Variants in PWWP2A observed in about 807,000 individuals in gnomAD.
PWWP2A encodes the protein PWWP domain containing 2A.
Under a neutral mutation model 48.5 loss-of-function variants are expected in PWWP2A, and 18 were observed. That is an observed-to-expected ratio of 0.37 (90% CI 0.26 to 0.55). PWWP2A has a LOEUF of 0.55. Among genes scored for constraint, PWWP2A ranks in the 20% least tolerant of loss-of-function variants. The probability of loss-of-function intolerance (pLI) is 0.81; values close to 1 mark genes in which losing one functional copy is unlikely to be tolerated. For synonymous variants in PWWP2A, 396 were observed against 387.7 expected (o/e 1.02, Z -0.25); for missense variants, 867 against 976.4 (o/e 0.89, Z 1.49).
At position 160,119,449 on chromosome 5, in the gene PWWP2A, T is replaced by A; in HGVS notation, c.-61A>T. 1 of 1,350,060 alleles carries A rather than the reference T, an allele frequency of 7.4e-7. No homozygotes were observed. The highest frequency in any genetic ancestry group is 9.5e-7 in the Non-Finnish European group (1 of 1,057,238). The allele number at this position is 1,350,060 out of a possible 1,614,324, so 83.6% of individuals were successfully genotyped here. A position where few individuals can be genotyped will look rare whatever the true frequency, so the allele number is the denominator to read the frequency against. ...GCAGCGGCGGCGGCGACAGCGCTGC[T>A]TGGTTCCCTGGGCCTTCCCCTCCCT... On this transcript the variant is annotated 5_prime_UTR_variant, in exon 1 of 2. The change creates a new upstream start codon in the 5' untranslated region. Coordinates refer to ENST00000307063, the MANE Select transcript of PWWP2A (RefSeq NM_001130864.2).
downstream of PWWP2A, among the ~76,000 whole-genome samples, chr5:160,087,244 T>G (rs1424481913): frequency 6.6e-6 from 1 of 152,070 alleles, no homozygotes; most frequent in African/African-American, 2.4e-5. Context: ...TAGCCAGGCA[T>G]GGTGACATAC....
At chr5:160,097,336 CAAAAAAAA>C (rs70987999) in intron 1 of PWWP2A, among the ~76,000 whole-genome samples, 5 of 34,392 alleles carry the variant, frequency 1.5e-4, no homozygotes, top group East Asian at 2.1e-3. Flanking sequence ...GCCTTTGTCT[CAAAAAAAA>C]AAAAAAAAAA....
At chr5:160,080,811 G>C in intron 2 of PWWP2A, 1 of 1,471,258 alleles carries the variant, frequency 6.8e-7, no homozygotes, top group Non-Finnish European at 9.1e-7. Context: ...TAAAGCATTC[G>C]AGTTTTTTAA....
downstream of PWWP2A, among the ~76,000 whole-genome samples, chr5:160,060,892 T>C (rs1463704993): frequency 6.6e-6 from 1 of 152,230 alleles, no homozygotes; most frequent in Non-Finnish European, 1.5e-5. Context: ...TACCCAAGCA[T>C]TGTAGAAATT....
intron 1 of PWWP2A, among the ~76,000 whole-genome samples, chr5:160,105,416 T>TAC (rs1324390594): frequency 6.6e-6 from 1 of 151,608 alleles, no homozygotes; most frequent in East Asian, 1.9e-4. Context: ...CACACGCCTG[T>TAC]AGTCCCAGCT....
rs1276767251 is a variant in PWWP2A at position 160,092,743 on chromosome 5, T to C, written c.1907A>G (p.Lys636Arg). ...TTTAGAGACGTTTTTGGAAAAGACT[T>C]TCATTTTCAAGGAATTACTGAGCTT... ...EKKLSNSLKMKVFSKNVSKCV... is the reference protein window; with the variant it reads ...EKKLSNSLKMRVFSKNVSKCV... Residue 636 changes from lysine (K) to arginine (R), a missense_variant, in exon 2 of 2, where the codon AAA becomes AGA. Physicochemically the swap from Lys to Arg is conservative, Grantham distance 26 (BLOSUM62 2). Around this residue, in one of 4 missense-constraint regions of PWWP2A, gnomAD observed 382 missense variants for 407.2 expected, o/e 0.94. Transcript: ENST00000307063. 88 of 1,551,526 alleles carry C rather than the reference T, an allele frequency of 5.7e-5. 1 individual carries two copies. The highest frequency in any genetic ancestry group is 7.3e-5 in the Non-Finnish European group (84 of 1,146,990).
downstream of PWWP2A, among the ~76,000 whole-genome samples, chr5:160,086,475 C>T (rs1034137698): frequency 1.3e-4 from 20 of 152,234 alleles, no homozygotes; most frequent in Admixed American, 9.8e-4. Flanking sequence ...CATGATTATA[C>T]CCCTACAGTC....
At position 160,092,030 on chromosome 5, in the gene PWWP2A, A is replaced by ATATATATATATATATATATATATATG. The variant is rs1755132143; in HGVS notation, c.*351_*352insCATATATATATATATATATATATATA. 2.0e-6 allele frequency: 1 copy of ATATATATATATATATATATATATATG among 506,438 alleles called. No individual in the cohort carries two copies. The allele number at this position is 506,438 out of a possible 1,614,324, so 31.4% of individuals were successfully genotyped here. On this transcript the variant is annotated 3_prime_UTR_variant, in exon 2 of 2. Coordinates refer to ENST00000307063, the MANE Select transcript of PWWP2A (RefSeq NM_001130864.2). ...CATACACGGATATATATATATACAC[A>ATATATATATATATATATATATATATG]CACACACACGTATATATATGTATAT...
rs774513649 is a variant in PWWP2A, at chr5:160,093,035, C to A, written c.1615G>T (p.Asp539Tyr). 4.3e-5 allele frequency: 69 copies of A among 1,604,356 alleles called. No individual in the cohort carries two copies. The highest frequency in any genetic ancestry group is 5.5e-5 in the Non-Finnish European group (65 of 1,175,518). ...GPEEASSEVQDTNEVHVPGDQ... is the reference protein window; with the variant it reads ...GPEEASSEVQYTNEVHVPGDQ... ...CCAGGCACATGCACTTCATTTGTGT[C>A]CTGAACCTCACTGCTGGCCTCTTCA... The change falls in exon 2 of 2, where the codon GAC becomes TAC. Residue 539 changes from aspartate (D) to tyrosine (Y), a missense_variant. Asp to Tyr is a radical substitution (Grantham distance 160, BLOSUM62 -3). Transcript: ENST00000307063. The surrounding 1 kb of genome is among the most constrained non-coding windows in gnomAD (Gnocchi z 5.8).
intron 1 of PWWP2A, chr5:160,105,553 CAAAA>C (rs573797023): frequency 4.5e-5 from 10 of 222,096 alleles, no homozygotes; most frequent in East Asian, 2.6e-4. Context: ...GACTCCATCT[CAAAA>C]AAAAAAAAAA....
At chr5:160,056,693 A>G in the PWWP2A span, among the ~76,000 whole-genome samples, 1 of 152,238 alleles carries the variant, frequency 6.6e-6, no homozygotes, top group Non-Finnish European at 1.5e-5. Flanking sequence ...ACTTCATGCC[A>G]GTCTGGGCAA....
the PWWP2A span, among the ~76,000 whole-genome samples, chr5:160,045,819 T>C: frequency 1.3e-5 from 2 of 152,110 alleles, no homozygotes; most frequent in African/African-American, 4.8e-5. Context: ...CTTGGCTCAC[T>C]GCAACCTCTG....
chr5:160,049,377 C>G, the PWWP2A span: 14 of 758,464 alleles, frequency 1.8e-5, no homozygotes, highest in East Asian at 9.4e-5. Context: ...AAAAAGTTTT[C>G]CAGCATCAGG....
At chr5:160,075,778 G>A (rs190201313), downstream of PWWP2A, 2 of 79,212 alleles carry the variant, frequency 2.5e-5, no homozygotes, top group East Asian at 4.2e-4. Context: ...GCTCCCTAAA[G>A]TACAACTAGT....
downstream of PWWP2A, among the ~76,000 whole-genome samples, chr5:160,088,085 A>C (rs181463398): frequency 6.6e-6 from 1 of 152,334 alleles, no homozygotes; most frequent in Admixed American, 6.5e-5. Flanking sequence ...AATCTACACA[A>C]ACTGTAAATT....
At chr5:160,066,017 CAT>C (rs1359324407) in intron 4 of PWWP2A, among the ~76,000 whole-genome samples, 8 of 152,182 alleles carry the variant, frequency 5.3e-5, no homozygotes, top group Admixed American at 1.3e-4. Context: ...GTAAATTACA[CAT>C]ATAATTCTGT....
At chr5:160,117,395 C>T (rs534967977) in intron 1 of PWWP2A, among the ~76,000 whole-genome samples, 145 of 152,386 alleles carry the variant, frequency 9.5e-4, no homozygotes, top group African/African-American at 3.4e-3. Context: ...CGGCTCATGC[C>T]TGTAATCCCA....
At chr5:160,101,783 G>A (rs1213840665) in intron 1 of PWWP2A, among the ~76,000 whole-genome samples, 1 of 150,030 alleles carries the variant, frequency 6.7e-6, no homozygotes, top group African/African-American at 2.5e-5. Context: ...GCCATCCTGG[G>A]CAACATAGAA....
Position 160,092,846 on chromosome 5 carries a change from CAGA to C in PWWP2A, c.1801_1803del (p.Ser601del), listed in dbSNP as rs1300638262. ...CTGCCTGGAGGAAAATCAAAGCTTTCAGAAGAACTACACTCAGAGTTGGAAGAT... is the reference window on the plus strand; with the variant it reads ...CTGCCTGGAGGAAAATCAAAGCTTTCAGAACTACACTCAGAGTTGGAAGAT... On this transcript the variant is annotated inframe_deletion, in exon 2 of 2. Transcript: ENST00000307063. 2 of 1,551,538 alleles carry C rather than the reference CAGA, an allele frequency of 1.3e-6. No homozygotes were observed. The highest frequency in any genetic ancestry group is 2.4e-5 in the East Asian group (1 of 40,930).
Sources: allele counts gnomAD v4.1 joint callset (sites outside exome capture counted in the v4.1 genomes callset), GRCh38; gene constraint gnomAD v4.1.1; regional missense constraint gnomAD v4.1.1; non-coding constraint Gnocchi (gnomAD v3.1); transcripts MANE v1.5; gene names NCBI Gene and HGNC (gene_info 2026-07-23, HGNC 2026-07-21).